IGF1R: variants seen among roughly 807,000 people sequenced by gnomAD.
The protein encoded by IGF1R is insulin-like growth factor 1 receptor.
In IGF1R, 44 loss-of-function variants were observed where a neutral mutation model predicts 144.6. The observed-to-expected ratio is 0.30, with a 90% CI of 0.24 to 0.39. The LOEUF (loss-of-function observed/expected upper bound fraction) is 0.39, where lower values mean the gene tolerates loss of function less well. Ranked by LOEUF, IGF1R falls within the 10% of genes least tolerant of loss-of-function variation. The pLI is 1.00. For missense variants in IGF1R, 1,355 were observed against 1,833.7 expected (o/e 0.74, Z 4.77); for synonymous variants, 795 against 722.8 (o/e 1.10, Z -1.60).
chr15:98,788,340 C>G (rs1468718796), intron 2 of IGF1R, among the ~76,000 whole-genome samples: 1 of 152,038 alleles, frequency 6.6e-6, no homozygotes, highest in Non-Finnish European at 1.5e-5. Context: ...AGGGATCTCC[C>G]CTTGGGTAAA....
intron 2 of IGF1R, among the ~76,000 whole-genome samples, chr15:98,788,014 C>T (rs1191314200): frequency 6.0e-5 from 9 of 150,374 alleles, no homozygotes; most frequent in African/African-American, 1.5e-4. Context: ...CCTCAGGCCA[C>T]GTTCCTATGG....
chr15:98,865,921 G>GA (rs1833448822), intron 2 of IGF1R, among the ~76,000 whole-genome samples: 1 of 152,308 alleles, frequency 6.6e-6, no homozygotes, highest in South Asian at 2.1e-4. Flanking sequence ...AGAACCGTAA[G>GA]AAAAGGGGGC....
At chr15:98,886,847 A>G (rs11247379) in intron 2 of IGF1R, among the ~76,000 whole-genome samples, 63,195 of 151,930 alleles carry the variant, frequency 0.42, 13,749 homozygotes, top group East Asian at 0.56. Context: ...ACACTTGCTC[A>G]CGTTCTCTTG....
chr15:98,680,458 G>C (rs2053160004), intron 1 of IGF1R, among the ~76,000 whole-genome samples: 1 of 151,862 alleles, frequency 6.6e-6, no homozygotes, highest in Non-Finnish European at 1.5e-5. Flanking sequence ...AGTGGAGACA[G>C]CGTTGCACCG....
At chr15:98,667,312 C>T (rs1382550019) in intron 1 of IGF1R, among the ~76,000 whole-genome samples, 1 of 152,110 alleles carries the variant, frequency 6.6e-6, no homozygotes, top group African/African-American at 2.4e-5. Flanking sequence ...TATGATTATA[C>T]TGGAAGTTTT....
At chr15:98,804,960 T>C (rs2056441031) in intron 2 of IGF1R, among the ~76,000 whole-genome samples, 1 of 152,148 alleles carries the variant, frequency 6.6e-6, no homozygotes, top group Non-Finnish European at 1.5e-5. Context: ...CCTCCCAAAG[T>C]GCTGGGATTA....
chr15:98,841,844 C>G (rs1337520836), intron 2 of IGF1R, among the ~76,000 whole-genome samples: 1 of 152,142 alleles, frequency 6.6e-6, no homozygotes, highest in East Asian at 1.9e-4. Flanking sequence ...CTCCCCTGTG[C>G]TGATACACTT....
intron 2 of IGF1R, among the ~76,000 whole-genome samples, chr15:98,790,964 G>A (rs1389877334): frequency 6.6e-6 from 1 of 152,166 alleles, no homozygotes; most frequent in Non-Finnish European, 1.5e-5. Flanking sequence ...GTGCTATTGT[G>A]AGATGCCTCT....
chr15:98,942,541 G>A (rs145180957), intron 18 of IGF1R, among the ~76,000 whole-genome samples: 1 of 152,218 alleles, frequency 6.6e-6, no homozygotes, highest in African/African-American at 2.4e-5. Flanking sequence ...GTCTTGCTGT[G>A]TTGCCCAGGC....
At chr15:98,842,677 A>G (rs989714078) in intron 2 of IGF1R, among the ~76,000 whole-genome samples, 1 of 152,224 alleles carries the variant, frequency 6.6e-6, no homozygotes, top group African/African-American at 2.4e-5. Flanking sequence ...TGGCAAAGAA[A>G]GACAAAGATC....
intron 20 of IGF1R, among the ~76,000 whole-genome samples, chr15:98,952,303 A>AACACACATACACACACAC (rs2016808897): frequency 6.8e-6 from 1 of 146,572 alleles, no homozygotes; most frequent in East Asian, 2.0e-4. Context: ...GTACCCCACC[A>AACACACATACACACACAC]ACACACACAC....
chr15:98,890,104 G>A (rs992571418), intron 2 of IGF1R, among the ~76,000 whole-genome samples: 2 of 152,188 alleles, frequency 1.3e-5, no homozygotes, highest in African/African-American at 2.4e-5. Context: ...GAGGCTTAGC[G>A]GAGGTGGCTT....
chr15:98,831,407 C>T (rs2056999451), intron 2 of IGF1R, among the ~76,000 whole-genome samples: 1 of 152,196 alleles, frequency 6.6e-6, no homozygotes, highest in African/African-American at 2.4e-5. Flanking sequence ...GTTGTAGAAC[C>T]TCACGCCCAG....
At chr15:98,877,343 G>A (rs942544807) in intron 2 of IGF1R, among the ~76,000 whole-genome samples, 21 of 152,234 alleles carry the variant, frequency 1.4e-4, no homozygotes, top group Admixed American at 1.0e-3. Flanking sequence ...CCCAGGACAC[G>A]AAGAGAAGTT....
At chr15:98,810,144 G>C (rs1361729753) in intron 2 of IGF1R, among the ~76,000 whole-genome samples, 1 of 151,580 alleles carries the variant, frequency 6.6e-6, no homozygotes, top group Non-Finnish European at 1.5e-5. Context: ...GTGTGGGGGT[G>C]GCTGGCGGAG....
intron 2 of IGF1R, among the ~76,000 whole-genome samples, chr15:98,708,638 GTGA>G (rs932038171): frequency 2.0e-5 from 3 of 152,216 alleles, no homozygotes; most frequent in African/African-American, 7.2e-5. Context: ...TTAGGTCCTA[GTGA>G]TGATGTTATG....
Position 98,664,155 on chromosome 15 carries a change from A to G in IGF1R, c.94+14480A>G, listed in dbSNP as rs2052668071. Among the ~76,000 whole-genome samples, 2 of 152,208 alleles carry G rather than the reference A, an allele frequency of 1.3e-5. 1 individual carries two copies. Among genetic ancestry groups the G allele is most frequent in the South Asian group, 4.1e-4 (2 of 4,828 alleles). On this transcript the variant is annotated intron_variant, in intron 1 of 20. Coordinates refer to ENST00000650285, the MANE Select transcript of IGF1R (RefSeq NM_000875.5). ...TAGGAGAGTGAATTCTGAATTTTCAATCACGTTCACCTGTTGGAGCAAGTA... is the reference window on the plus strand; with the variant it reads ...TAGGAGAGTGAATTCTGAATTTTCAGTCACGTTCACCTGTTGGAGCAAGTA...
chr15:98,798,169 G>T (rs567325090), intron 2 of IGF1R, among the ~76,000 whole-genome samples: 1 of 152,298 alleles, frequency 6.6e-6, no homozygotes, highest in East Asian at 1.9e-4. Flanking sequence ...TAGGGAAGGG[G>T]ATGGGAGGGC....
intron 1 of IGF1R, among the ~76,000 whole-genome samples, chr15:98,663,011 G>A (rs979759152): frequency 1.3e-5 from 2 of 152,144 alleles, no homozygotes; most frequent in African/African-American, 4.8e-5. Context: ...GTCAGGATTG[G>A]GGGACAGATA....
Sources: gnomAD v4.1 joint callset for allele counts (sites outside exome capture counted in the v4.1 genomes callset) on GRCh38, gnomAD v4.1.1 for gene constraint, MANE v1.5 for transcripts, NCBI Gene and HGNC (gene_info 2026-07-23, HGNC 2026-07-21) for gene names.